CARMIL1: variants seen among roughly 807,000 people sequenced by gnomAD.
CARMIL1 encodes the protein F-actin-uncapping protein LRRC16A.
In CARMIL1, 90 loss-of-function variants were observed where a neutral mutation model predicts 177.1. The observed-to-expected ratio is 0.51, with a 90% CI of 0.43 to 0.61. The LOEUF (loss-of-function observed/expected upper bound fraction) is 0.61. CARMIL1 is among the 20% of genes least tolerant of loss of function. The pLI is 0.00. For synonymous variants in CARMIL1, 577 were observed against 606.2 expected (o/e 0.95, Z 0.71); for missense variants, 1,380 against 1,667.0 (o/e 0.83, Z 3.00).
In CARMIL1 at chr6:25,289,131, G is replaced by A. The variant is rs532695969; in HGVS notation, c.138+4222G>A. On this transcript the variant is annotated intron_variant, in intron 2 of 36. Transcript: ENST00000329474. Reference sequence around the variant, plus strand: ...GAATAGGCTCTCCATCATTAGGAGTGTTCTCCTGAGGAATGGTCCTTTAGC... The same window carrying A: ...GAATAGGCTCTCCATCATTAGGAGTATTCTCCTGAGGAATGGTCCTTTAGC... Among the ~76,000 whole-genome samples, 13 of 152,270 alleles carry A rather than the reference G, an allele frequency of 8.5e-5. No homozygotes were observed. The South Asian group carries it at 1.5e-3, about 17-fold the overall frequency.
At chr6:25,330,318 G>A (rs564074145) in intron 2 of CARMIL1, among the ~76,000 whole-genome samples, 1 of 152,272 alleles carries the variant, frequency 6.6e-6, no homozygotes, top group South Asian at 2.1e-4. Flanking sequence ...GATGACAAGA[G>A]GGAGAGGGAT....
intron 2 of CARMIL1, among the ~76,000 whole-genome samples, chr6:25,313,188 G>A (rs9461136): frequency 6.6e-6 from 1 of 151,896 alleles, no homozygotes; most frequent in Non-Finnish European, 1.5e-5. Context: ...TTATCTTCAC[G>A]AGTGTGGGAA....
intron 15 of CARMIL1, among the ~76,000 whole-genome samples, chr6:25,492,951 T>G (rs1370610775): frequency 6.6e-6 from 1 of 152,206 alleles, no homozygotes; most frequent in Non-Finnish European, 1.5e-5. Flanking sequence ...TTAGAGAGTG[T>G]GAAGTCTGAA....
At chr6:25,616,088 T>G in intron 36 of CARMIL1, among the ~76,000 whole-genome samples, 1 of 152,188 alleles carries the variant, frequency 6.6e-6, no homozygotes, top group Non-Finnish European at 1.5e-5. Flanking sequence ...TGTAAAATAG[T>G]GATAAATATG....
Position 25,554,083 on chromosome 6 carries a change from G to A in CARMIL1, c.2579G>A (p.Cys860Tyr). ...GAAATCCTGGATGCACTCTCACATT[G>A]CCATCATAAACTGGTGAGTGCTGTG... ...VDEILDALSHCHHKLADHFSR... is the reference protein window; with the variant it reads ...VDEILDALSHYHHKLADHFSR... Residue 860 changes from cysteine (C) to tyrosine (Y), a missense_variant, in exon 28 of 37, where the codon TGC becomes TAC. Cys to Tyr is a radical substitution (Grantham distance 194). Coordinates refer to ENST00000329474, the MANE Select transcript of CARMIL1 (RefSeq NM_017640.6). This position sits in a 1 kb window ranked among gnomAD's most constrained non-coding sequence, Gnocchi z 4.6. The A allele has an allele frequency of 6.3e-7, 1 of 1,592,888 alleles. No homozygotes were observed. Among genetic ancestry groups the A allele is most frequent in the Non-Finnish European group, 8.6e-7 (1 of 1,168,824 alleles).
At chr6:25,600,179 CTCA>C (rs1325248720) in intron 32 of CARMIL1, 132 bp from the exon 33 acceptor site, 4 of 789,306 alleles carry the variant, frequency 5.1e-6, no homozygotes, top group Non-Finnish European at 8.0e-6. Context: ...AGGGCGGTAA[CTCA>C]AATCTGCTTT....
intron 31 of CARMIL1, among the ~76,000 whole-genome samples, chr6:25,590,527 A>G (rs1814191771): frequency 6.6e-6 from 1 of 152,062 alleles, no homozygotes; most frequent in Non-Finnish European, 1.5e-5. Context: ...CTTTTCTCCT[A>G]TTCTCTGGAA....
intron 29 of CARMIL1, among the ~76,000 whole-genome samples, chr6:25,565,681 C>G (rs1317179725): frequency 1.3e-5 from 2 of 152,058 alleles, no homozygotes; most frequent in Non-Finnish European, 2.9e-5. Context: ...CCTGTCTCTA[C>G]TAAAAATACA....
chr6:25,329,090 C>T (rs1785374980), intron 2 of CARMIL1, among the ~76,000 whole-genome samples: 1 of 152,192 alleles, frequency 6.6e-6, no homozygotes, highest in Non-Finnish European at 1.5e-5. Context: ...AGCCAGATGT[C>T]ACAGGCTGGT....
intron 2 of CARMIL1, among the ~76,000 whole-genome samples, chr6:25,309,766 CTTTTTTTT>C (rs34514583): frequency 2.0e-4 from 23 of 116,914 alleles, no homozygotes; most frequent in East Asian, 6.9e-4. Context: ...TATACCACAT[CTTTTTTTT>C]TTTTTTTTTT....
rs1805293322 is a variant in CARMIL1, at chr6:25,509,844, T to A, written c.1477+107T>A. 2.6e-6 allele frequency: 2 copies of A among 766,004 alleles called. No homozygotes were observed. The highest frequency in any genetic ancestry group is 5.5e-5 in the East Asian group (2 of 36,588). The allele number at this position is 766,004 out of a possible 1,614,324, so 47.5% of individuals were successfully genotyped here. On this transcript the variant is annotated intron_variant, in intron 18 of 36. Coordinates refer to ENST00000329474, the MANE Select transcript of CARMIL1 (RefSeq NM_017640.6). The surrounding 1 kb of genome is among the most constrained non-coding windows in gnomAD (Gnocchi z 4.1). ...TCCAAACAATAGCTTAATAAAAAAA[T>A]TGTTTTTTATTTTTTGACTAATAGG...
At chr6:25,331,329 C>T (rs139301877) in intron 2 of CARMIL1, among the ~76,000 whole-genome samples, 63 of 152,352 alleles carry the variant, frequency 4.1e-4, no homozygotes, top group African/African-American at 1.4e-3. Flanking sequence ...GTTCCTGAGG[C>T]ACTGCCTCCA....
intron 8 of CARMIL1, among the ~76,000 whole-genome samples, chr6:25,451,738 C>T (rs1798946020): frequency 6.6e-6 from 1 of 152,098 alleles, no homozygotes; most frequent in Non-Finnish European, 1.5e-5. Context: ...GGATGTGCTG[C>T]TACTTATTAG....
intron 2 of CARMIL1, among the ~76,000 whole-genome samples, chr6:25,363,593 C>T (rs1192962902): frequency 6.6e-6 from 1 of 152,166 alleles, no homozygotes; most frequent in Non-Finnish European, 1.5e-5. Context: ...AGCTACATTG[C>T]TGAGCATTTC....
At chr6:25,371,240 G>A (rs1447295503) in intron 2 of CARMIL1, among the ~76,000 whole-genome samples, 2 of 152,144 alleles carry the variant, frequency 1.3e-5, no homozygotes, top group Non-Finnish European at 2.9e-5. Context: ...CTTTTTGATA[G>A]AATTACCTCT....
In CARMIL1 at chr6:25,415,953, A is replaced by G. The variant is rs1795319955; in HGVS notation, c.139-4161A>G. 2.6e-5 allele frequency among the ~76,000 whole-genome samples: 4 copies of G among 151,802 alleles called. No individual in the cohort carries two copies. The South Asian group carries it at 8.3e-4, about 32-fold the overall frequency. ...CAAGACGGGGTGGAGTGTGGGGGAC[A>G]CTGGCAGCAGTAGCAGAGAGAGGGG... On this transcript the variant is annotated intron_variant, in intron 2 of 36. Coordinates refer to ENST00000329474, the MANE Select transcript of CARMIL1 (RefSeq NM_017640.6).
chr6:25,435,527 G>T lies in CARMIL1; in HGVS notation c.294G>T (p.Ala98=), dbSNP rs114775990. The change falls in exon 5 of 37, where the codon GCG becomes GCT. Residue 98 remains alanine, a synonymous_variant. Transcript: ENST00000329474. ...TEKCSISMKM[A]SPEDVSEVLA... is the part of the protein sequence containing the mutation. ...AGTGCAGCATTTCCATGAAGATGGC[G>T]TCACCCGAGGACGTGAGTGAGGTGC... 6.4e-7 allele frequency: 1 copy of T among 1,553,482 alleles called. No individual in the cohort carries two copies. Among genetic ancestry groups the T allele is most frequent in the Non-Finnish European group, 8.7e-7 (1 of 1,147,810 alleles).
At chr6:25,371,867 A>G (rs1165213643) in intron 2 of CARMIL1, among the ~76,000 whole-genome samples, 1 of 151,706 alleles carries the variant, frequency 6.6e-6, no homozygotes, top group African/African-American at 2.4e-5. Flanking sequence ...TAGGTTGTCT[A>G]CTGTAATTGG....
At chr6:25,339,385 C>G (rs1786662231) in intron 2 of CARMIL1, among the ~76,000 whole-genome samples, 1 of 152,146 alleles carries the variant, frequency 6.6e-6, no homozygotes, top group African/African-American at 2.4e-5. Context: ...TAGAGTCTTC[C>G]TTGACACAAG....
Sources: gnomAD v4.1 joint callset for allele counts (sites outside exome capture counted in the v4.1 genomes callset) on GRCh38, gnomAD v4.1.1 for gene constraint, Gnocchi (gnomAD v3.1) non-coding constraint, MANE v1.5 for transcripts, NCBI Gene and HGNC (gene_info 2026-07-23, HGNC 2026-07-21) for gene names.